TSPAN7: variants seen among roughly 807,000 people sequenced by gnomAD.
TSPAN7 encodes the protein tetraspanin-7.
A neutral mutation model predicts 17.6 loss-of-function variants in TSPAN7; 1 was observed. The ratio of observed to expected loss-of-function variants is 0.06; its 90% CI spans 0.02 to 0.27. The LOEUF (loss-of-function observed/expected upper bound fraction) is 0.27. Ranked by LOEUF, TSPAN7 falls within the 10% of genes least tolerant of loss-of-function variation. The pLI, the probability that TSPAN7 is intolerant of heterozygous loss-of-function variation, is 1.00. For missense variants in TSPAN7, 112 were observed against 201.7 expected (o/e 0.56, Z 2.69); for synonymous variants, 78 against 79.0 (o/e 0.99, Z 0.07).
At chrX:38,603,146 A>G (rs1470824944) in intron 1 of TSPAN7, among the ~76,000 whole-genome samples, 2 of 112,240 alleles carry the variant, frequency 1.8e-5, no homozygotes, top group Non-Finnish European at 3.8e-5. Context: ...GCAAGTATAC[A>G]AAAGGTCAAT....
At chrX:38,615,478 T>C (rs1233768592) in intron 1 of TSPAN7, among the ~76,000 whole-genome samples, 2 of 111,737 alleles carry the variant, frequency 1.8e-5, no homozygotes, top group Non-Finnish European at 3.8e-5. Flanking sequence ...TTTAAAGGGA[T>C]TGAAAGAGCA....
At chrX:38,687,509 C>A (rs779322955) in intron 6 of TSPAN7, 90 bp from the exon 7 acceptor site, 21 of 844,238 alleles carry the variant, frequency 2.5e-5, no homozygotes, top group Non-Finnish European at 3.2e-5. Context: ...ATCACATACC[C>A]CATAAATATA....
intron 1 of TSPAN7, among the ~76,000 whole-genome samples, chrX:38,573,081 A>T (rs2069177639): frequency 8.9e-6 from 1 of 111,925 alleles, no homozygotes; most frequent in Admixed American, 9.5e-5. Flanking sequence ...CAAGTGCATT[A>T]TAAACTAAAG....
At chrX:38,645,882 A>C (rs1048930859) in intron 1 of TSPAN7, among the ~76,000 whole-genome samples, 3 of 109,995 alleles carry the variant, frequency 2.7e-5, no homozygotes, top group Non-Finnish European at 5.7e-5. Flanking sequence ...TTTGTTTGAC[A>C]TTTCCTGTTT....
intron 1 of TSPAN7, among the ~76,000 whole-genome samples, chrX:38,619,372 C>A (rs1191613504): frequency 9.0e-6 from 1 of 111,515 alleles, no homozygotes. Context: ...TTGTTCATGC[C>A]CTCACCTTGT....
At chrX:38,592,456 T>G (rs766703801) in intron 1 of TSPAN7, among the ~76,000 whole-genome samples, 1 of 111,802 alleles carries the variant, frequency 8.9e-6, no homozygotes, top group South Asian at 3.7e-4. Context: ...GTCCCATCAC[T>G]TCTTTATTTC....
chrX:38,672,752 C>G (rs769014967), intron 3 of TSPAN7, among the ~76,000 whole-genome samples: 4 of 111,478 alleles, frequency 3.6e-5, no homozygotes, highest in Admixed American at 2.9e-4. Context: ...TCTCTTTTGG[C>G]TGAAACCCTG....
chrX:38,605,059 G>C (rs1210460762), intron 1 of TSPAN7, among the ~76,000 whole-genome samples: 1 of 109,983 alleles, frequency 9.1e-6, no homozygotes, highest in African/African-American at 3.4e-5. Context: ...GTTCTGGCCG[G>C]GGCAATTAGG....
At chrX:38,670,957 G>A (rs1301825754) in intron 2 of TSPAN7, among the ~76,000 whole-genome samples, 1 of 112,214 alleles carries the variant, frequency 8.9e-6, no homozygotes, top group Non-Finnish European at 1.9e-5. Flanking sequence ...GCAGACCGTC[G>A]TGAGGAAGTT....
At chrX:38,641,013 A>G (rs2069608512) in intron 1 of TSPAN7, among the ~76,000 whole-genome samples, 1 of 112,644 alleles carries the variant, frequency 8.9e-6, no homozygotes, top group South Asian at 3.7e-4. Context: ...GCTTTGCCCA[A>G]GGTCATCTGT....
chrX:38,658,128 G>C (rs941087469), intron 1 of TSPAN7, among the ~76,000 whole-genome samples: 15 of 110,572 alleles, frequency 1.4e-4, no homozygotes, highest in African/African-American at 4.6e-4. Context: ...AGAGTACCCT[G>C]TCTGGTCATT....
chrX:38,654,183 C>G (rs1309957158), intron 1 of TSPAN7, among the ~76,000 whole-genome samples: 1 of 111,415 alleles, frequency 9.0e-6, no homozygotes, highest in African/African-American at 3.3e-5. Context: ...TGACCTTGGG[C>G]ACGTTTCATA....
At chrX:38,613,911 T>C (rs1047952083) in intron 1 of TSPAN7, among the ~76,000 whole-genome samples, 1 of 110,243 alleles carries the variant, frequency 9.1e-6, no homozygotes, top group African/African-American at 3.3e-5. Flanking sequence ...GAGACCCCCT[T>C]ATCCCCCAGT....
intron 1 of TSPAN7, among the ~76,000 whole-genome samples, chrX:38,657,182 ACT>A (rs1477739381): frequency 5.4e-5 from 6 of 110,723 alleles, no homozygotes; most frequent in Non-Finnish European, 1.1e-4. Context: ...ATTTTCTGTG[ACT>A]CTATTTGTTG....
intron 2 of TSPAN7, among the ~76,000 whole-genome samples, chrX:38,667,337 A>T (rs1287431863): frequency 8.9e-6 from 1 of 112,560 alleles, no homozygotes; most frequent in African/African-American, 3.2e-5. Context: ...ATGGGGATTA[A>T]TGGTAAAGGA....
chrX:38,631,633 T>A (rs2069552510), intron 1 of TSPAN7, among the ~76,000 whole-genome samples: 3 of 111,041 alleles, frequency 2.7e-5, no homozygotes, highest in Non-Finnish European at 5.7e-5. Context: ...AATTTAGGGG[T>A]TTTCTGGGAA....
At chrX:38,613,799 A>G (rs2069435565) in intron 1 of TSPAN7, among the ~76,000 whole-genome samples, 1 of 110,444 alleles carries the variant, frequency 9.1e-6, no homozygotes, top group African/African-American at 3.3e-5. Context: ...AATCCTTTGG[A>G]TATTTTCCTG....
At chrX:38,665,558 A>C (rs1327091698) in intron 1 of TSPAN7, among the ~76,000 whole-genome samples, 1 of 112,446 alleles carries the variant, frequency 8.9e-6, no homozygotes, top group African/African-American at 3.2e-5. Flanking sequence ...AACTATGCAG[A>C]TTCTTCTGTT....
At chrX:38,605,300 C>T (rs1287575112) in intron 1 of TSPAN7, among the ~76,000 whole-genome samples, 2 of 110,504 alleles carry the variant, frequency 1.8e-5, no homozygotes, top group African/African-American at 6.6e-5. Context: ...TGAGTGAACT[C>T]CCATTCACAA....
Sources: gnomAD v4.1 joint callset for allele counts (sites outside exome capture counted in the v4.1 genomes callset) on GRCh38, gnomAD v4.1.1 for gene constraint, MANE v1.5 for transcripts, NCBI Gene and HGNC (gene_info 2026-07-23, HGNC 2026-07-21) for gene names.